Variants in STIM1 observed in about 807,000 individuals in gnomAD.
STIM1 encodes stromal interaction molecule 1.
STIM1 carries 25 observed loss-of-function variants against 74.7 expected under a neutral mutation model. The ratio of observed to expected loss-of-function variants is 0.33; its 90% CI spans 0.24 to 0.47. The LOEUF (loss-of-function observed/expected upper bound fraction) is 0.47, where lower values mean the gene tolerates loss of function less well. Ranked by LOEUF, STIM1 falls within the 20% of genes least tolerant of loss-of-function variation. The pLI is 1.00. For missense variants in STIM1, 728 were observed against 920.8 expected (o/e 0.79, Z 2.71); for synonymous variants, 328 against 348.8 (o/e 0.94, Z 0.66).
At chr11:4,036,927 C>T (rs1376703125) in intron 3 of STIM1, among the ~76,000 whole-genome samples, 7 of 152,268 alleles carry the variant, frequency 4.6e-5, no homozygotes, top group Admixed American at 2.6e-4. Flanking sequence ...TAACTATCAT[C>T]GGAGTGAACA....
At chr11:4,002,670 T>G (rs1407411218) in intron 2 of STIM1, among the ~76,000 whole-genome samples, 1 of 149,418 alleles carries the variant, frequency 6.7e-6, no homozygotes, top group African/African-American at 2.5e-5. Context: ...ACATCACAAT[T>G]AAAAGAGCTA....
intron 2 of STIM1, among the ~76,000 whole-genome samples, chr11:4,014,004 GC>G (rs764681912): frequency 1.3e-5 from 2 of 151,426 alleles, no homozygotes; most frequent in Non-Finnish European, 3.0e-5. Flanking sequence ...ACCACGCCTG[GC>G]TGATTCATTG....
chr11:3,998,849 G>C (rs186527344), intron 2 of STIM1, among the ~76,000 whole-genome samples: 1 of 152,170 alleles, frequency 6.6e-6, no homozygotes, highest in Non-Finnish European at 1.5e-5. Flanking sequence ...GGGTATAAAA[G>C]ATCATGGTTT....
At chr11:4,086,664 C>G (rs1565172303) in intron 12 of STIM1, 121 bp downstream of exon 12, 1 of 1,549,304 alleles carries the variant, frequency 6.5e-7, no homozygotes, top group Admixed American at 1.9e-5. Context: ...CTCCATCTGC[C>G]TCTGCTGCTG....
chr11:3,937,360 T>C (rs1051837585), intron 1 of STIM1, among the ~76,000 whole-genome samples: 3 of 151,722 alleles, frequency 2.0e-5, no homozygotes, highest in Non-Finnish European at 4.4e-5. Context: ...AAATTTAATA[T>C]GTTTCCCTTG....
chr11:3,869,221 C>T (rs934987669), intron 1 of STIM1, among the ~76,000 whole-genome samples: 1 of 152,210 alleles, frequency 6.6e-6, no homozygotes, highest in Non-Finnish European at 1.5e-5. Context: ...CGCCCGCCTC[C>T]ACTTCCCAAA....
In STIM1 at chr11:3,895,743, T is replaced by TTTCTTC. The variant is rs2092121817; in HGVS notation, c.139+39334_139+39335insTTCTTC. Reference sequence around the variant, plus strand: ...CTTTCTTTCTTTCTTTCTTTTTCTTTCTTCCTTCCTTCCTTCCTTCCTTCC... The same window carrying TTTCTTC: ...CTTTCTTTCTTTCTTTCTTTTTCTTTTTCTTCCTTCCTTCCTTCCTTCCTTCCTTCC... On this transcript the variant is annotated intron_variant, in intron 1 of 12. Coordinates refer to ENST00000526596, the MANE Select transcript of STIM1 (RefSeq NM_001382567.1). Among the ~76,000 whole-genome samples the TTTCTTC allele has an allele frequency of 1.2e-4, 4 of 34,526 alleles. 1 individual carries two copies. Among genetic ancestry groups the TTTCTTC allele is most frequent in the Non-Finnish European group, 9.6e-5 (2 of 20,916 alleles). 22.7% of individuals were successfully genotyped at this position (34,526 alleles called of 152,430 possible). A position where few individuals can be genotyped will look rare whatever the true frequency, so the allele number is the denominator to read the frequency against.
intron 3 of STIM1, among the ~76,000 whole-genome samples, chr11:4,031,933 A>C (rs920786869): frequency 2.0e-5 from 3 of 152,244 alleles, no homozygotes; most frequent in African/African-American, 4.8e-5. Flanking sequence ...ATTGTATCTA[A>C]TAAATCTTTG....
chr11:3,934,693 C>T (rs575410275), intron 1 of STIM1, among the ~76,000 whole-genome samples: 2 of 152,364 alleles, frequency 1.3e-5, no homozygotes, highest in East Asian at 3.9e-4. Context: ...GTACAACTAT[C>T]TTGTGTACTT....
rs549242930 is a variant in STIM1 at position 3,953,783 on chromosome 11, T to C, written c.140-13769T>C. On this transcript the variant is annotated intron_variant, in intron 1 of 12. Transcript: ENST00000526596. ...GTATTGACTTCTTGATCTTCTTCTT[T>C]CTTTTTTTTTTTTTTTTGAGACAGG... 1.0e-3 allele frequency among the ~76,000 whole-genome samples: 150 copies of C among 143,562 alleles called. 1 individual carries two copies. The highest frequency in any genetic ancestry group is 3.0e-3 in the African/African-American group (119 of 39,350). 94.2% of individuals were successfully genotyped at this position (143,562 alleles called of 152,430 possible).
chr11:4,049,939 G>C (rs2094226490), intron 3 of STIM1, among the ~76,000 whole-genome samples: 1 of 152,098 alleles, frequency 6.6e-6, no homozygotes, highest in Non-Finnish European at 1.5e-5. Context: ...GAAGATTAGT[G>C]AGTTAATATA....
intron 6 of STIM1, among the ~76,000 whole-genome samples, chr11:4,072,575 A>C (rs2094410519): frequency 6.6e-6 from 1 of 152,152 alleles, no homozygotes; most frequent in Admixed American, 6.5e-5. Flanking sequence ...GCTCATTTCT[A>C]CACCCAACAA....
chr11:3,899,083 T>C (rs1166318983), intron 1 of STIM1, among the ~76,000 whole-genome samples: 3 of 152,242 alleles, frequency 2.0e-5, no homozygotes, highest in East Asian at 1.9e-4. Flanking sequence ...GGGGATGGCA[T>C]TGAATCTATA....
At chr11:3,905,736 AG>A (rs1252712363) in intron 1 of STIM1, among the ~76,000 whole-genome samples, 1 of 152,240 alleles carries the variant, frequency 6.6e-6, no homozygotes, top group Non-Finnish European at 1.5e-5. Flanking sequence ...TCAGCTAGTT[AG>A]TGGTGGAGCC....
chr11:4,066,162 C>T (rs1436502687), intron 5 of STIM1, among the ~76,000 whole-genome samples: 1 of 152,172 alleles, frequency 6.6e-6, no homozygotes, highest in Non-Finnish European at 1.5e-5. Flanking sequence ...TCTGGTTCCC[C>T]CAGTCCCAGC....
rs1206558195 is a variant in STIM1, at chr11:4,093,166, A to C, written c.*1368A>C. On this transcript the variant is annotated 3_prime_UTR_variant, in exon 13 of 13. Coordinates refer to ENST00000526596, the MANE Select transcript of STIM1 (RefSeq NM_001382567.1). Reference sequence around the variant, plus strand: ...ATGGGGTTTTCTGTGTTATTTCATAAAATTCTTTGAAGTCCAATAAAGCAT... The same window carrying C: ...ATGGGGTTTTCTGTGTTATTTCATACAATTCTTTGAAGTCCAATAAAGCAT... 6.6e-6 allele frequency: 1 copy of C among 152,600 alleles called. No homozygotes were observed. Among genetic ancestry groups the C allele is most frequent in the African/African-American group, 2.4e-5 (1 of 41,422 alleles). 9.5% of individuals were successfully genotyped at this position (152,600 alleles called of 1,614,324 possible).
chr11:4,082,519 G>A, intron 8 of STIM1, among the ~76,000 whole-genome samples, 168 bp downstream of exon 8: 1 of 152,142 alleles, frequency 6.6e-6, no homozygotes, highest in South Asian at 2.1e-4. Context: ...AGTGTCCTCA[G>A]GCTTCTGGAG....
chr11:4,015,986 A>C (rs960115972), intron 2 of STIM1, among the ~76,000 whole-genome samples: 52 of 152,280 alleles, frequency 3.4e-4, no homozygotes, highest in African/African-American at 1.1e-3. Flanking sequence ...AATGGGTTAG[A>C]ACATGCTCCT....
intron 4 of STIM1, among the ~76,000 whole-genome samples, chr11:4,056,985 T>C (rs2094294797): frequency 6.6e-6 from 1 of 152,228 alleles, no homozygotes; most frequent in Non-Finnish European, 1.5e-5. Flanking sequence ...AAAGATAGGC[T>C]TCCTTTCAAT....
Sources: gnomAD v4.1 joint callset for allele counts (sites outside exome capture counted in the v4.1 genomes callset) on GRCh38, gnomAD v4.1.1 for gene constraint, MANE v1.5 for transcripts, NCBI Gene and HGNC (gene_info 2026-07-23, HGNC 2026-07-21) for gene names.